The following NKIRAS1 variants were observed in gnomAD, a reference collection of about 807,000 sequenced individuals.
NKIRAS1 encodes NFKB inhibitor interacting Ras like 1, also known as NF-kappa-B inhibitor-interacting Ras-like protein 1.
Under a neutral mutation model 19.8 loss-of-function variants are expected in NKIRAS1, and 16 were observed. The ratio of observed to expected loss-of-function variants is 0.81; its 90% confidence interval spans 0.55 to 1.23. The LOEUF is 1.23. NKIRAS1 is among the 50% of genes most tolerant of loss of function. The probability of loss-of-function intolerance (pLI) is 0.00; values close to 1 mark genes in which losing one functional copy is unlikely to be tolerated. For synonymous variants in NKIRAS1, 88 were observed against 79.0 expected (o/e 1.11, Z -0.61); for missense variants, 184 against 220.0 (o/e 0.84, Z 1.04).
At chr3:23,920,642 C>T, upstream of NKIRAS1, 1 of 984,910 alleles carries the variant, frequency 1.0e-6, no homozygotes, top group Non-Finnish European at 1.2e-6. Flanking sequence ...AATTTAAATG[C>T]TCGTTCTGAA....
Position 23,911,227 on chromosome 3 carries a change from G to A in NKIRAS1, c.-18+102C>T, listed in dbSNP as rs544439979. ...CTACCACTTTGGGAGTCCAAGGCGG[G>A]TGGATCACCTGAGGTCAAGAGTTCG... On this transcript the variant is annotated intron_variant, in intron 2 of 4. Coordinates refer to ENST00000425478, the MANE Select transcript of NKIRAS1 (RefSeq NM_020345.4). 13 of 220,266 alleles carry A rather than the reference G, an allele frequency of 5.9e-5. No homozygotes were observed. The South Asian group carries it at 6.1e-4, about 10-fold the overall frequency. 13.6% of individuals were successfully genotyped at this position (220,266 alleles called of 1,614,324 possible).
Position 23,943,514 on chromosome 3 carries a change from A to T in NKIRAS1, c.-140+2809T>A, listed in dbSNP as rs545561364. Among the ~76,000 whole-genome samples the T allele has an allele frequency of 2.6e-5, 4 of 152,390 alleles. No homozygotes were observed. The East Asian group carries it at 7.7e-4, about 29-fold the overall frequency. On this transcript the variant is annotated intron_variant, in intron 1 of 4. Coordinates refer to the NKIRAS1 transcript ENST00000421515. ...CCAAAGTGCTGGGATTACAGGCGTC[A>T]GCCCCCGCGCCCAGCCCAGTTTTGC...
intron 3 of NKIRAS1, among the ~76,000 whole-genome samples, chr3:23,909,556 T>C (rs1381012320): frequency 6.6e-6 from 1 of 152,070 alleles, no homozygotes; most frequent in Non-Finnish European, 1.5e-5. Flanking sequence ...TTAAGTTACT[T>C]GCCAGAAAAA....
chr3:23,944,862 G>C (rs993083635), intron 1 of NKIRAS1, among the ~76,000 whole-genome samples: 1 of 151,646 alleles, frequency 6.6e-6, no homozygotes, highest in Non-Finnish European at 1.5e-5. Flanking sequence ...GGGCGCAAGG[G>C]TTGAGCAAGC....
At chr3:23,934,441 A>C (rs992375882) in intron 1 of NKIRAS1, among the ~76,000 whole-genome samples, 1 of 152,220 alleles carries the variant, frequency 6.6e-6, no homozygotes, top group Non-Finnish European at 1.5e-5. Context: ...TTGAATGATT[A>C]AACTGAGTAT....
chr3:23,900,864 A>G lies in NKIRAS1; in HGVS notation c.280T>C (p.Phe94Leu). The change falls in exon 4 of 5, where the codon TTT becomes CTT. Residue 94 changes from phenylalanine (F) to leucine (L), a missense_variant. By Grantham distance (22) the Phe-to-Leu change is conservative (BLOSUM62 0). Coordinates refer to ENST00000425478, the MANE Select transcript of NKIRAS1 (RefSeq NM_020345.4). ...LVYSVNNLESFQRVELLKKEI... is the reference protein window; with the variant it reads ...LVYSVNNLESLQRVELLKKEI... ...TTCTTCAGAAGCTCCACTCTTTGAA[A>G]GGATTCAAGGTTATTCACACTGTAC... The G allele has an allele frequency of 6.2e-7, 1 of 1,613,862 alleles. No homozygotes were observed. Among genetic ancestry groups the G allele is most frequent in the Non-Finnish European group, 8.5e-7 (1 of 1,179,744 alleles).
chr3:23,946,503 C>CA (rs1056814567), exon 1 of NKIRAS1: 12 of 161,744 alleles, frequency 7.4e-5, no homozygotes, highest in African/African-American at 1.4e-4. Context: ...CGTCTGTTTA[C>CA]AAAAAAAACC....
chr3:23,937,840 G>C (rs932074108), intron 1 of NKIRAS1, among the ~76,000 whole-genome samples: 4 of 152,032 alleles, frequency 2.6e-5, no homozygotes, highest in Non-Finnish European at 5.9e-5. Context: ...GTTGTTGATT[G>C]TTTTGGATTT....
chr3:23,906,891 T>C (rs1330873888), intron 3 of NKIRAS1, among the ~76,000 whole-genome samples: 2 of 151,874 alleles, frequency 1.3e-5, no homozygotes, highest in Non-Finnish European at 2.9e-5. Flanking sequence ...AAAGCAGGTT[T>C]TTGTTTTGTT....
At chr3:23,941,843 T>C (rs1209966997) in intron 1 of NKIRAS1, among the ~76,000 whole-genome samples, 2 of 152,242 alleles carry the variant, frequency 1.3e-5, no homozygotes, top group African/African-American at 4.8e-5. Context: ...TATTATTTTA[T>C]AGACACTATC....
chr3:23,919,625 G>A, upstream of NKIRAS1: 1 of 1,423,708 alleles, frequency 7.0e-7, no homozygotes, highest in Non-Finnish European at 9.1e-7. Flanking sequence ...GTCAAATTAA[G>A]AAAGTTAAAG....
chr3:23,919,189 ATTC>A (rs774981964), upstream of NKIRAS1: 11 of 1,609,982 alleles, frequency 6.8e-6, no homozygotes, highest in Middle Eastern at 1.6e-4. Context: ...CTTTTTTCCT[ATTC>A]TAGGAGCGAG....
intron 3 of NKIRAS1, among the ~76,000 whole-genome samples, chr3:23,909,430 G>A (rs1338536968): frequency 4.6e-5 from 7 of 152,190 alleles, no homozygotes; most frequent in African/African-American, 1.7e-4. Flanking sequence ...AGGAGGCTGA[G>A]AAAGGAGAAT....
At chr3:23,929,864 T>C (rs1705274774) in intron 1 of NKIRAS1, among the ~76,000 whole-genome samples, 1 of 152,224 alleles carries the variant, frequency 6.6e-6, no homozygotes, top group South Asian at 2.1e-4. Flanking sequence ...AATAAAAAAT[T>C]ACCTGAATCC....
chr3:23,901,175 TTTAC>T, intron 3 of NKIRAS1, 126 bp from the exon 4 acceptor site: 1 of 1,087,952 alleles, frequency 9.2e-7, no homozygotes. Context: ...ACATTTCTAT[TTTAC>T]TTTTTTTTTT....
chr3:23,916,105 C>G (rs539166793), intron 1 of NKIRAS1: 3 of 152,066 alleles, frequency 2.0e-5, no homozygotes, highest in Non-Finnish European at 2.9e-5. Flanking sequence ...AAACGTAAAG[C>G]TGTGATTTAA....
At chr3:23,910,528 T>C (rs1043814410) in intron 3 of NKIRAS1, among the ~76,000 whole-genome samples, 3 of 152,216 alleles carry the variant, frequency 2.0e-5, no homozygotes, top group African/African-American at 4.8e-5. Flanking sequence ...ATTATGTAAA[T>C]ACACGGAAAA....
chr3:23,894,024 C>T (rs1244828056), intron 4 of NKIRAS1, among the ~76,000 whole-genome samples: 1 of 152,020 alleles, frequency 6.6e-6, no homozygotes, highest in East Asian at 1.9e-4. Context: ...AGTTCTGTAT[C>T]CATGAGAACA....
chr3:23,917,676 G>A, upstream of NKIRAS1: 2 of 614,618 alleles, frequency 3.3e-6, no homozygotes, highest in Middle Eastern at 4.5e-4. Context: ...GTGACTGAAC[G>A]CGGCTCCGTG....
Sources: allele counts gnomAD v4.1 joint callset (sites outside exome capture counted in the v4.1 genomes callset), GRCh38; gene constraint gnomAD v4.1.1; transcripts MANE v1.5; gene names NCBI Gene and HGNC (gene_info 2026-07-23, HGNC 2026-07-21).